Variants in DOCK7 observed in about 807,000 individuals in gnomAD.
DOCK7 encodes the protein dedicator of cytokinesis protein 7.
In DOCK7, 138 loss-of-function variants were observed where a neutral mutation model predicts 271.0. The observed-to-expected ratio is 0.51, with a 90% CI of 0.44 to 0.59. The LOEUF (loss-of-function observed/expected upper bound fraction) is 0.59, where lower values mean the gene tolerates loss of function less well. DOCK7 is among the 20% of genes least tolerant of loss of function. DOCK7 has a pLI of 0.00. For missense variants in DOCK7, 2,066 were observed against 2,592.4 expected (o/e 0.80, Z 4.41); for synonymous variants, 823 against 876.1 (o/e 0.94, Z 1.07).
intron 29 of DOCK7, among the ~76,000 whole-genome samples, chr1:62,531,462 C>T (rs1645172663): frequency 6.6e-6 from 1 of 152,146 alleles, no homozygotes; most frequent in African/African-American, 2.4e-5. Flanking sequence ...CATAATAATT[C>T]TTCAATACTT....
In DOCK7 at chr1:62,662,959, AC is replaced by A. The variant is rs1257162916; in HGVS notation, c.144+65del. 15 of 1,288,192 alleles carry A rather than the reference AC, an allele frequency of 1.2e-5. No homozygotes were observed. The East Asian group carries it at 3.3e-4, about 28-fold the overall frequency. 79.8% of individuals were successfully genotyped at this position (1,288,192 alleles called of 1,614,324 possible). On this transcript the variant is annotated intron_variant, in intron 2 of 49. Transcript: ENST00000635253. The stretch of plus-strand genomic sequence containing the variant: ...GAACCCAATTAGCTCTTATCTTTCC[AC>A]TATTTTTTCATGGCCTAGTCAATCA...
At chr1:62,679,724 ACTAC>A (rs1456992282) in intron 1 of DOCK7, among the ~76,000 whole-genome samples, 1 of 152,228 alleles carries the variant, frequency 6.6e-6, no homozygotes, top group African/African-American at 2.4e-5. Context: ...ACAGTTTGAC[ACTAC>A]CTAATAAACA....
chr1:62,686,844 C>T (rs910811765), intron 1 of DOCK7, among the ~76,000 whole-genome samples: 2 of 151,060 alleles, frequency 1.3e-5, no homozygotes, highest in Admixed American at 6.6e-5. Context: ...TATTTTGCCC[C>T]TTCAGGAAAA....
intron 7 of DOCK7, among the ~76,000 whole-genome samples, chr1:62,638,668 AAT>A (rs773894903): frequency 6.8e-5 from 10 of 147,874 alleles, no homozygotes; most frequent in Admixed American, 2.7e-4. Flanking sequence ...TATTTTCATG[AAT>A]ATATATATAT....
intron 48 of DOCK7, among the ~76,000 whole-genome samples, chr1:62,470,595 A>ACCAGCCTGACCAACATGATGAAAC (rs1645803481): frequency 6.6e-6 from 1 of 152,182 alleles, no homozygotes; most frequent in African/African-American, 2.4e-5. Context: ...GGAGTTCGAG[A>ACCAGCCTGACCAACATGATGAAAC]CCAGCCTGAC....
intron 15 of DOCK7, chr1:62,584,084 C>A: frequency 1.1e-6 from 1 of 902,002 alleles, no homozygotes; most frequent in Non-Finnish European, 1.3e-6. Flanking sequence ...ACATGTCAGA[C>A]AATTCCATCA....
chr1:62,591,615 T>C (rs1648463086), intron 14 of DOCK7, among the ~76,000 whole-genome samples: 1 of 151,904 alleles, frequency 6.6e-6, no homozygotes, highest in African/African-American at 2.4e-5. Context: ...AAGCAAAACA[T>C]ACAGAAAAAC....
At chr1:62,661,628 A>C (rs1214829433) in intron 2 of DOCK7, among the ~76,000 whole-genome samples, 1 of 152,138 alleles carries the variant, frequency 6.6e-6, no homozygotes, top group Non-Finnish European at 1.5e-5. Flanking sequence ...ATAATGACAA[A>C]ACCTGGGAAG....
intron 48 of DOCK7, chr1:62,459,132 A>C (rs1293217673): frequency 6.6e-6 from 1 of 152,204 alleles, no homozygotes; most frequent in African/African-American, 2.4e-5. Flanking sequence ...AAAACAAACT[A>C]AGCTCTGGCA....
At position 62,647,757 on chromosome 1, in the gene DOCK7, A is replaced by G; in HGVS notation, c.752T>C (p.Leu251Pro). 1 of 1,609,394 alleles carries G rather than the reference A, an allele frequency of 6.2e-7. No homozygotes were observed. The highest frequency in any genetic ancestry group is 8.5e-7 in the Non-Finnish European group (1 of 1,178,496). Residue 251 changes from leucine (L) to proline (P), a missense_variant, in exon 7 of 50, where the codon CTT becomes CCT. Physicochemically the swap from Leu to Pro is moderately conservative, Grantham distance 98 (BLOSUM62 -3). This residue lies in a region of DOCK7 where 1,414 missense variants were observed against 1,670.4 expected (regional missense o/e 0.85). Transcript: ENST00000635253. Reference protein sequence around the residue: ...SPDEEEPIERLSVPDIPKEHF... With the variant: ...SPDEEEPIERPSVPDIPKEHF... ...TTCTTTGGGTATATCAGGAACACTA[A>G]GCCGTTCTATTGGTTCTTCCTACAA...
chr1:62,675,327 CA>C (rs1386701401), intron 1 of DOCK7, among the ~76,000 whole-genome samples: 1 of 151,934 alleles, frequency 6.6e-6, no homozygotes, highest in African/African-American at 2.4e-5. Context: ...AGCTTGAGCC[CA>C]GGAGTTCAAA....
At position 62,636,566 on chromosome 1, in the gene DOCK7, C is replaced by A; in HGVS notation, c.856G>T (p.Ala286Ser). ...IEIEPIFASL[A>S]LYDVKEKKKI... ...TTCTTTTCCTTGACATCATATAAAG[C>A]CAAACTTGCAAAAATGGGTTCAATT... The change falls in exon 8 of 50, where the codon GCT becomes TCT. Residue 286 changes from alanine (A) to serine (S), a missense_variant. Around this residue, in one of 2 missense-constraint regions of DOCK7, gnomAD observed 1,414 missense variants for 1,670.4 expected, o/e 0.85. Coordinates refer to ENST00000635253, the MANE Select transcript of DOCK7 (RefSeq NM_001367561.1). 1.2e-6 allele frequency: 2 copies of A among 1,602,176 alleles called. No homozygotes were observed. Among genetic ancestry groups the A allele is most frequent in the Non-Finnish European group, 1.7e-6 (2 of 1,172,908 alleles).
intron 44 of DOCK7, among the ~76,000 whole-genome samples, chr1:62,477,433 G>A (rs550116406): frequency 1.3e-5 from 2 of 152,190 alleles, no homozygotes; most frequent in African/African-American, 2.4e-5. Flanking sequence ...ATATTTCTCC[G>A]TTAAGTCGCA....
intron 7 of DOCK7, among the ~76,000 whole-genome samples, chr1:62,638,581 G>A (rs1380671202): frequency 7.1e-6 from 1 of 141,246 alleles, no homozygotes; most frequent in Non-Finnish European, 1.5e-5. Context: ...ATATTTTCAT[G>A]AATATATATT....
intron 12 of DOCK7, 159 bp downstream of exon 12, chr1:62,625,100 T>A (rs1653774374): frequency 1.9e-6 from 1 of 539,740 alleles, no homozygotes; most frequent in Admixed American, 3.5e-5. Context: ...ATAAATCGTT[T>A]CTCATTCTTA....
intron 14 of DOCK7, chr1:62,605,213 TA>T (rs1042241600): frequency 4.2e-5 from 8 of 189,468 alleles, no homozygotes; most frequent in Admixed American, 3.8e-4. Context: ...GTTAAAACTC[TA>T]AACTTGACTA....
chr1:62,649,205 T>C (rs1004911127), intron 4 of DOCK7, among the ~76,000 whole-genome samples: 4 of 152,168 alleles, frequency 2.6e-5, no homozygotes, highest in Non-Finnish European at 4.4e-5. Context: ...AAAGCAATTA[T>C]TGTTCGTGAT....
intron 1 of DOCK7, among the ~76,000 whole-genome samples, chr1:62,677,651 G>A (rs1164933704): frequency 1.3e-5 from 2 of 151,968 alleles, no homozygotes; most frequent in African/African-American, 4.8e-5. Context: ...AAATAAAAGG[G>A]AGTTAACTCT....
chr1:62,542,836 A>C (rs1206036054), intron 24 of DOCK7, 133 bp from the exon 25 acceptor site: 1 of 666,640 alleles, frequency 1.5e-6, no homozygotes, highest in Non-Finnish European at 2.5e-6. Context: ...TCAATGATGC[A>C]CTGAAGACAC....
Sources: allele counts gnomAD v4.1 joint callset (sites outside exome capture counted in the v4.1 genomes callset), GRCh38; gene constraint gnomAD v4.1.1; regional missense constraint gnomAD v4.1.1; transcripts MANE v1.5; gene names NCBI Gene and HGNC (gene_info 2026-07-23, HGNC 2026-07-21).